KMT5C: variants seen among roughly 807,000 people sequenced by gnomAD.
KMT5C encodes lysine methyltransferase 5C.
Under a neutral mutation model 38.2 loss-of-function variants are expected in KMT5C, and 16 were observed. The ratio of observed to expected loss-of-function variants is 0.42; its 90% CI spans 0.28 to 0.64. KMT5C has a LOEUF of 0.64. KMT5C is among the 30% of genes least tolerant of loss of function. The pLI, the probability that KMT5C is intolerant of heterozygous loss-of-function variation, is 0.23. For missense variants in KMT5C, 598 were observed against 665.1 expected (o/e 0.90, Z 1.11); for synonymous variants, 291 against 279.0 (o/e 1.04, Z -0.43).
rs184367302 is a variant in KMT5C, at chr19:55,342,227, C to G, written c.123C>G (p.Pro41=). 79 of 1,609,870 alleles carry G rather than the reference C, an allele frequency of 4.9e-5. No homozygotes were observed. Among genetic ancestry groups the G allele is most frequent in the Admixed American group, 2.0e-4 (12 of 59,646 alleles). ...THKMNVSPVP[P]LRRQQHLRSA... is the part of the protein sequence containing the mutation. ...CCCTCTCCCCCAGCCCTGTGCCCCC[C>G]CTGCGGCGACAGCAGCACCTGCGCT... The change falls in exon 3 of 9, where the codon CCC becomes CCG. Residue 41 remains proline, a synonymous_variant. Coordinates refer to ENST00000255613, the MANE Select transcript of KMT5C (RefSeq NM_032701.4).
At position 55,347,426 on chromosome 19, in the gene KMT5C, G is replaced by C. The variant is rs1435883198; in HGVS notation, c.1366G>C (p.Asp456His). ...LVVSHGSIDLDVGGEEL is the reference protein window; with the variant it reads ...LVVSHGSIDLHVGGEEL ...GGTCAGCCACGGCTCCATCGACCTG[G>C]ATGTCGGCGGTGAAGAGCTGTGACA... Residue 456 changes from aspartate (D) to histidine (H), a missense_variant, in exon 9 of 9, where the codon GAT (aspartate) becomes CAT (histidine). Coordinates refer to ENST00000255613, the MANE Select transcript of KMT5C (RefSeq NM_032701.4). The surrounding 1 kb of genome is among the most constrained non-coding windows in gnomAD (Gnocchi z 4.6). The C allele has an allele frequency of 2.6e-6, 4 of 1,550,796 alleles. No homozygotes were observed. Among genetic ancestry groups the C allele is most frequent in the Non-Finnish European group, 3.5e-6 (4 of 1,154,912 alleles).
chr19:55,347,446 G>A lies in KMT5C; in HGVS notation c.1386G>A (p.Leu462=). The A allele has an allele frequency of 6.5e-7, 1 of 1,531,878 alleles. No individual in the cohort carries two copies. The highest frequency in any genetic ancestry group is 8.7e-7 in the Non-Finnish European group (1 of 1,146,060). 94.9% of individuals were successfully genotyped at this position (1,531,878 alleles called of 1,614,324 possible). A position where few individuals can be genotyped will look rare whatever the true frequency, so the allele number is the denominator to read the frequency against. Reference sequence around the variant, plus strand: ...ACCTGGATGTCGGCGGTGAAGAGCTGTGACAGGCCGGACGGGGAGGCCCAG... The same window carrying A: ...ACCTGGATGTCGGCGGTGAAGAGCTATGACAGGCCGGACGGGGAGGCCCAG... ...SIDLDVGGEE[L] The change falls in exon 9 of 9, where the codon CTG becomes CTA. Residue 462 remains leucine, a synonymous_variant. Transcript: ENST00000255613. The surrounding 1 kb of genome is among the most constrained non-coding windows in gnomAD (Gnocchi z 4.6).
chr19:55,342,175 C>A, intron 2 of KMT5C, 40 bp from the exon 3 acceptor site: 2 of 1,600,292 alleles, frequency 1.2e-6, no homozygotes, highest in Middle Eastern at 1.7e-4. Context: ...GGGCCGGGGC[C>A]CGGGAAGGCC....
In KMT5C at chr19:55,346,706, C is replaced by T. The variant is rs1414837250; in HGVS notation, c.895+19C>T. On this transcript the variant is annotated intron_variant, in intron 8 of 8. Transcript: ENST00000255613. ...TTCTGCGGTGAGCACCCCTCCCTGCCATCCCAGCAGCCCCTCCCCTGTCTG... is the reference window on the plus strand; with the variant it reads ...TTCTGCGGTGAGCACCCCTCCCTGCTATCCCAGCAGCCCCTCCCCTGTCTG... 6.6e-7 allele frequency: 1 copy of T among 1,523,446 alleles called. No homozygotes were observed. The highest frequency in any genetic ancestry group is 8.8e-7 in the Non-Finnish European group (1 of 1,132,222). 94.4% of individuals were successfully genotyped at this position (1,523,446 alleles called of 1,614,324 possible).
At chr19:55,344,286 C>T (rs1244844485) in intron 6 of KMT5C, 7 of 301,946 alleles carry the variant, frequency 2.3e-5, no homozygotes, top group South Asian at 3.6e-5. Context: ...GGTGTGAACC[C>T]GGGAGGCGGA....
At position 55,342,866 on chromosome 19, in the gene KMT5C, C is replaced by CT. The variant is rs773825586; in HGVS notation, c.386+16dup. The CT allele has an allele frequency of 1.4e-6, 2 of 1,427,396 alleles. No homozygotes were observed. The highest frequency in any genetic ancestry group is 4.5e-5 in the East Asian group (2 of 43,980). The allele number at this position is 1,427,396 out of a possible 1,614,324, so 88.4% of individuals were successfully genotyped here. A position where few individuals can be genotyped will look rare whatever the true frequency, so the allele number is the denominator to read the frequency against. On this transcript the variant is annotated intron_variant, in intron 4 of 8. Coordinates refer to ENST00000255613, the MANE Select transcript of KMT5C (RefSeq NM_032701.4). Reference sequence around the variant, plus strand: ...ACTCGTGCTTGGTAAGAGGGCAGGACTCCCTGCAGGTATCCTTGGAGGAGA... The same window carrying CT: ...ACTCGTGCTTGGTAAGAGGGCAGGACTTCCCTGCAGGTATCCTTGGAGGAGA...
In KMT5C at chr19:55,347,388, G is replaced by A. The variant is rs781002266; in HGVS notation, c.1328G>A (p.Arg443His). 8.9e-6 allele frequency: 14 copies of A among 1,580,814 alleles called. No homozygotes were observed. The East Asian group carries it at 1.8e-4, about 20-fold the overall frequency. Residue 443 changes from arginine (R) to histidine (H), a missense_variant, in exon 9 of 9, where the codon CGC (arginine) becomes CAC (histidine). Arg to His is a conservative substitution (Grantham distance 29, BLOSUM62 0). Around this residue, in one of 3 missense-constraint regions of KMT5C, gnomAD observed 326 missense variants for 298.1 expected, o/e 1.09. Coordinates refer to ENST00000255613, the MANE Select transcript of KMT5C (RefSeq NM_032701.4). This position sits in a 1 kb window ranked among gnomAD's most constrained non-coding sequence, Gnocchi z 4.6. ...TTCGCCCCCTTCTCCCCACCCAAGCGCCTACGGCTGGTGGTCAGCCACGGC... is the reference window on the plus strand; with the variant it reads ...TTCGCCCCCTTCTCCCCACCCAAGCACCTACGGCTGGTGGTCAGCCACGGC... The part of the protein sequence containing the change: ...LAFAPFSPPK[R>H]LRLVVSHGSI...
At chr19:55,340,762 C>T (rs1055078505) in intron 1 of KMT5C, among the ~76,000 whole-genome samples, 1 of 151,914 alleles carries the variant, frequency 6.6e-6, no homozygotes, top group Non-Finnish European at 1.5e-5. Flanking sequence ...TCCCCGCTCT[C>T]TGTCCTCCCT....
In KMT5C at chr19:55,339,909, G is replaced by T; in HGVS notation, c.-192G>T. 6.5e-6 allele frequency: 1 copy of T among 154,572 alleles called. No homozygotes were observed. Among genetic ancestry groups the T allele is most frequent in the South Asian group, 1.9e-4 (1 of 5,378 alleles). The allele number at this position is 154,572 out of a possible 1,614,324, so 9.6% of individuals were successfully genotyped here. A position where few individuals can be genotyped will look rare whatever the true frequency, so the allele number is the denominator to read the frequency against. ...ACGAGAGCCGAAGGAGGCTGTGGGA[G>T]GTGTTGGCGGCGGCGGCGCGGGCGC... On this transcript the variant is annotated 5_prime_UTR_variant, in exon 1 of 9. In the 5' UTR this introduces an upstream ATG that the reference lacks. Coordinates refer to ENST00000255613, the MANE Select transcript of KMT5C (RefSeq NM_032701.4).
Position 55,342,063 on chromosome 19 carries a change from G to A in KMT5C, c.110+17G>A. The A allele has an allele frequency of 6.9e-6, 11 of 1,602,440 alleles. No homozygotes were observed. Among genetic ancestry groups the A allele is most frequent in the Non-Finnish European group, 9.4e-6 (11 of 1,169,962 alleles). On this transcript the variant is annotated intron_variant, in intron 2 of 8. Transcript: ENST00000255613. ...GAACGTCAGGTGAGGTGGCCTGGGG[G>A]CGAGGGTGGGCCCGAGGGGTCAGGA...
In KMT5C at chr19:55,339,878, T is replaced by TGTTTGACGAGAGC. The variant is rs1461700714; in HGVS notation, c.-222_-210dup. 6.6e-6 allele frequency: 1 copy of TGTTTGACGAGAGC among 152,500 alleles called. No homozygotes were observed. The highest frequency in any genetic ancestry group is 1.5e-5 in the Non-Finnish European group (1 of 68,350). 9.4% of individuals were successfully genotyped at this position (152,500 alleles called of 1,614,324 possible). A position where few individuals can be genotyped will look rare whatever the true frequency, so the allele number is the denominator to read the frequency against. ...GAGCAGATGGGAGGTGCGGCGACAG[T>TGTTTGACGAGAGC]GTTTGACGAGAGCCGAAGGAGGCTG... On this transcript the variant is annotated 5_prime_UTR_variant, in exon 1 of 9. Coordinates refer to ENST00000255613, the MANE Select transcript of KMT5C (RefSeq NM_032701.4).
chr19:55,346,129 G>A lies in KMT5C; in HGVS notation c.571-84G>A, dbSNP rs371569817. Reference sequence around the variant, plus strand: ...CCCATTCCAGGAGAGGACGCTCCGGGCCAGGGTGCCCGGCCAGGTGTGGGG... The same window carrying A: ...CCCATTCCAGGAGAGGACGCTCCGGACCAGGGTGCCCGGCCAGGTGTGGGG... On this transcript the variant is annotated intron_variant, in intron 6 of 8. Transcript: ENST00000255613. 4.1e-5 allele frequency: 64 copies of A among 1,560,760 alleles called. No individual in the cohort carries two copies. In the East Asian group the frequency reaches 1.1e-3, roughly 28 times the overall value.
At chr19:55,346,060 A>G in intron 6 of KMT5C, 153 bp from the exon 7 acceptor site, 2 of 842,150 alleles carry the variant, frequency 2.4e-6, no homozygotes, top group Non-Finnish European at 3.7e-6. Flanking sequence ...GCCCTCGGCA[A>G]GGCAGCCGCC....
intron 6 of KMT5C, chr19:55,344,775 A>C (rs989829960): frequency 1.9e-6 from 1 of 528,160 alleles, no homozygotes; most frequent in African/African-American, 1.9e-5. Flanking sequence ...AGCAGAAGGA[A>C]TCAGGAGGGT....
chr19:55,342,559 G>A (rs967840042), intron 3 of KMT5C, 179 bp downstream of exon 3: 1 of 638,732 alleles, frequency 1.6e-6, no homozygotes, highest in South Asian at 1.9e-5. Flanking sequence ...GAGTTGGGGG[G>A]GCCCTCTGAG....
Position 55,346,701 on chromosome 19 carries a change from C to A in KMT5C, c.895+14C>A, listed in dbSNP as rs1340278368. 5 of 1,532,612 alleles carry A rather than the reference C, an allele frequency of 3.3e-6. No individual in the cohort carries two copies. Among genetic ancestry groups the A allele is most frequent in the African/African-American group, 1.4e-5 (1 of 73,194 alleles). 94.9% of individuals were successfully genotyped at this position (1,532,612 alleles called of 1,614,324 possible). A position where few individuals can be genotyped will look rare whatever the true frequency, so the allele number is the denominator to read the frequency against. On this transcript the variant is annotated intron_variant, in intron 8 of 8. Coordinates refer to ENST00000255613, the MANE Select transcript of KMT5C (RefSeq NM_032701.4). ...ACCCATTCTGCGGTGAGCACCCCTC[C>A]CTGCCATCCCAGCAGCCCCTCCCCT...
chr19:55,347,058 G>T lies in KMT5C; in HGVS notation c.998G>T (p.Arg333Leu), dbSNP rs572546578. ...CAGCCCCAGCCCCGAGTGCGGCCCC[G>T]GAAGCGCCGACGCCCCCGGCCCCGG... ...LPQPQPRVRP[R>L]KRRRPRPRRA... The change falls in exon 9 of 9, where the codon CGG (arginine) becomes CTG (leucine). Residue 333 changes from arginine to leucine, a missense_variant. Arg to Leu is a moderately radical substitution (Grantham distance 102, BLOSUM62 -2). This residue lies in a region of KMT5C where 326 missense variants were observed against 298.1 expected (regional missense o/e 1.09). Transcript: ENST00000255613. This position sits in a 1 kb window ranked among gnomAD's most constrained non-coding sequence, Gnocchi z 4.6. The T allele has an allele frequency of 4.4e-6, 7 of 1,578,520 alleles. No individual in the cohort carries two copies. Among genetic ancestry groups the T allele is most frequent in the African/African-American group, 4.0e-5 (3 of 74,290 alleles).
At position 55,346,584 on chromosome 19, in the gene KMT5C, C is replaced by T. The variant is rs200130643; in HGVS notation, c.792C>T (p.Thr264=). 93 of 1,582,578 alleles carry T rather than the reference C, an allele frequency of 5.9e-5. 1 individual carries two copies. Among genetic ancestry groups the T allele is most frequent in the Middle Eastern group, 1.7e-4 (1 of 6,016 alleles). ...TGGACAAGTACCAGCTGCGTGAGAC[C>T]AAGCGGCGGCTGCAGCAAGGCCTGG... ...RPLDKYQLRE[T]KRRLQQGLDS... is the part of the protein sequence containing the mutation. Residue 264 remains threonine, a synonymous_variant, in exon 8 of 9, where the codon ACC becomes ACT. Transcript: ENST00000255613.
rs2123184164 is a variant in KMT5C, at chr19:55,339,945, G to T, written c.-156G>T. The T allele has an allele frequency of 6.5e-6, 1 of 154,126 alleles. No individual in the cohort carries two copies. Among genetic ancestry groups the T allele is most frequent in the South Asian group, 1.9e-4 (1 of 5,258 alleles). 9.5% of individuals were successfully genotyped at this position (154,126 alleles called of 1,614,324 possible). A position where few individuals can be genotyped will look rare whatever the true frequency, so the allele number is the denominator to read the frequency against. On this transcript the variant is annotated 5_prime_UTR_variant, in exon 1 of 9. In the 5' UTR this introduces an upstream ATG that the reference lacks. Transcript: ENST00000255613. ...CGGCGGCGCGGGCGCCTGAGGAGGA[G>T]GAGGAGAAGCGGGTGAGGGGCGGCG...
Sources: gnomAD v4.1 joint callset for allele counts (sites outside exome capture counted in the v4.1 genomes callset) on GRCh38, gnomAD v4.1.1 for gene constraint, gnomAD v4.1.1 regional missense constraint, Gnocchi (gnomAD v3.1) non-coding constraint, MANE v1.5 for transcripts, NCBI Gene and HGNC (gene_info 2026-07-23, HGNC 2026-07-21) for gene names.